ZCCHC7: variants seen among roughly 807,000 people sequenced by gnomAD.
The protein encoded by ZCCHC7 is zinc finger CCHC domain-containing protein 7.
In ZCCHC7, 35 loss-of-function variants were observed where a neutral mutation model predicts 52.0. That is an observed-to-expected ratio of 0.67 (90% CI 0.51 to 0.89). The LOEUF (loss-of-function observed/expected upper bound fraction) is 0.89, where lower values mean the gene tolerates loss of function less well. Ranked by LOEUF, ZCCHC7 falls within the 40% of genes least tolerant of loss-of-function variation. The probability of loss-of-function intolerance (pLI) is 0.00; values close to 1 mark genes in which losing one functional copy is unlikely to be tolerated. For synonymous variants in ZCCHC7, 217 were observed against 221.5 expected, an observed-to-expected ratio of 0.98 and a Z score of 0.18; for missense variants, 574 against 649.1, an observed-to-expected ratio of 0.88 and a Z score of 1.26.
intron 2 of ZCCHC7, among the ~76,000 whole-genome samples, chr9:37,249,570 G>T (rs1826227472): frequency 6.7e-6 from 1 of 148,500 alleles, no homozygotes; most frequent in Non-Finnish European, 1.5e-5. Context: ...TCCTGCCTCA[G>T]CCTCCCAAGT....
chr9:37,168,675 A>G (rs1196002802), intron 2 of ZCCHC7, among the ~76,000 whole-genome samples: 1 of 152,104 alleles, frequency 6.6e-6, no homozygotes, highest in African/African-American at 2.4e-5. Flanking sequence ...AGGCAGGAGG[A>G]TTGCTTGAGC....
At chr9:37,193,021 A>C (rs1438170590) in intron 2 of ZCCHC7, among the ~76,000 whole-genome samples, 1 of 152,186 alleles carries the variant, frequency 6.6e-6, no homozygotes, top group Non-Finnish European at 1.5e-5. Context: ...TAGCAGCTGA[A>C]TTGTGGTGCA....
intron 6 of ZCCHC7, among the ~76,000 whole-genome samples, chr9:37,341,771 T>C (rs1266994209): frequency 6.6e-6 from 1 of 152,042 alleles, no homozygotes; most frequent in Non-Finnish European, 1.5e-5. Context: ...AGGAGTGCAC[T>C]ATATTAAATC....
At position 37,163,230 on chromosome 9, in the gene ZCCHC7, A is replaced by C. The variant is rs560151740; in HGVS notation, c.610+36288A>C. ...CAAACAAACAAACAAACAAAAAAAA[A>C]CAAAAAGTATTTTTACGTGTGGTGG... On this transcript the variant is annotated intron_variant, in intron 2 of 8. Transcript: ENST00000336755. Among the ~76,000 whole-genome samples the C allele has an allele frequency of 6.6e-5, 10 of 151,748 alleles. No individual in the cohort carries two copies. The East Asian group carries it at 7.7e-4, about 12-fold the overall frequency.
intron 2 of ZCCHC7, among the ~76,000 whole-genome samples, chr9:37,243,584 C>G (rs1026279384): frequency 6.6e-6 from 1 of 151,782 alleles, no homozygotes. Flanking sequence ...TCCTTGCATT[C>G]AGGGTTAAAA....
chr9:37,333,589 C>A (rs1264041430), intron 6 of ZCCHC7, among the ~76,000 whole-genome samples: 5 of 151,628 alleles, frequency 3.3e-5, no homozygotes, highest in Non-Finnish European at 7.4e-5. Flanking sequence ...AATGTTTATC[C>A]TGAGGATGAC....
At chr9:37,165,284 A>G (rs1448114253) in intron 2 of ZCCHC7, among the ~76,000 whole-genome samples, 1 of 151,122 alleles carries the variant, frequency 6.6e-6, no homozygotes, top group African/African-American at 2.4e-5. Context: ...TAAAAAAGGC[A>G]GTTTTACTTC....
chr9:37,236,464 T>C lies in ZCCHC7; in HGVS notation c.611-65724T>C, dbSNP rs1825656661. ...TGGAGTGCAGTGGCGCTGTCTCGGC[T>C]CACTGCAAGCTCCGCCTCCTGCGTT... On this transcript the variant is annotated intron_variant, in intron 2 of 8. Coordinates refer to ENST00000336755, the MANE Select transcript of ZCCHC7 (RefSeq NM_032226.3). 3.3e-5 allele frequency among the ~76,000 whole-genome samples: 5 copies of C among 151,900 alleles called. No individual in the cohort carries two copies. In the South Asian group the frequency reaches 8.3e-4, roughly 25 times the overall value.
chr9:37,193,367 TTTA>T (rs1564170382), intron 2 of ZCCHC7, among the ~76,000 whole-genome samples: 1 of 152,160 alleles, frequency 6.6e-6, no homozygotes. Context: ...TAAAATTACT[TTTA>T]TTAACTAAAA....
chr9:37,257,395 A>AG (rs1282314795), intron 2 of ZCCHC7, among the ~76,000 whole-genome samples: 4 of 152,212 alleles, frequency 2.6e-5, no homozygotes, highest in Non-Finnish European at 5.9e-5. Flanking sequence ...ATTTTGGGGT[A>AG]GCATATTCTG....
chr9:37,328,704 G>A (rs958567464), intron 6 of ZCCHC7, among the ~76,000 whole-genome samples: 11 of 151,872 alleles, frequency 7.2e-5, no homozygotes, highest in Admixed American at 2.6e-4. Context: ...AAAGGGCAAA[G>A]TTCTTTCAAA....
At chr9:37,198,505 G>A (rs959396783) in intron 2 of ZCCHC7, among the ~76,000 whole-genome samples, 1 of 152,238 alleles carries the variant, frequency 6.6e-6, no homozygotes, top group East Asian at 1.9e-4. Context: ...CCTACTTTGT[G>A]GTCACTTTTG....
At chr9:37,275,745 C>T (rs927052416) in intron 2 of ZCCHC7, among the ~76,000 whole-genome samples, 2 of 152,112 alleles carry the variant, frequency 1.3e-5, no homozygotes, top group South Asian at 4.1e-4. Flanking sequence ...CAGGTTCAAG[C>T]GATTCTCCTG....
At chr9:37,336,959 C>G (rs528132153) in intron 6 of ZCCHC7, among the ~76,000 whole-genome samples, 2 of 152,200 alleles carry the variant, frequency 1.3e-5, no homozygotes, top group Admixed American at 6.5e-5. Context: ...TACCCTGTCA[C>G]CGATCCCGCA....
chr9:37,126,202 T>C (rs985585216), intron 1 of ZCCHC7, 110 bp from the exon 2 acceptor site: 30 of 1,075,314 alleles, frequency 2.8e-5, no homozygotes, highest in Non-Finnish European at 3.6e-5. Flanking sequence ...TGTCTGAGAA[T>C]AGTGATGGCC....
intron 2 of ZCCHC7, among the ~76,000 whole-genome samples, chr9:37,136,741 G>A (rs1296124885): frequency 6.6e-6 from 1 of 152,146 alleles, no homozygotes; most frequent in African/African-American, 2.4e-5. Flanking sequence ...CTCCCAAAGT[G>A]CTGGGATTTA....
chr9:37,342,214 G>C (rs563367998), intron 6 of ZCCHC7, among the ~76,000 whole-genome samples: 1 of 152,308 alleles, frequency 6.6e-6, no homozygotes, highest in East Asian at 1.9e-4. Flanking sequence ...GATGGGCTGG[G>C]TATGAGGTAT....
At chr9:37,143,874 CTA>C (rs1442522480) in intron 2 of ZCCHC7, among the ~76,000 whole-genome samples, 1 of 151,464 alleles carries the variant, frequency 6.6e-6, no homozygotes, top group Non-Finnish European at 1.5e-5. Context: ...AATATGTAAA[CTA>C]AAAATTATAA....
chr9:37,219,648 C>A (rs1432019842), intron 2 of ZCCHC7, among the ~76,000 whole-genome samples: 1 of 152,154 alleles, frequency 6.6e-6, no homozygotes, highest in African/African-American at 2.4e-5. Flanking sequence ...GGAAATGGTT[C>A]ATAGCCCATA....
Sources: gnomAD v4.1 joint callset for allele counts (sites outside exome capture counted in the v4.1 genomes callset) on GRCh38, gnomAD v4.1.1 for gene constraint, MANE v1.5 for transcripts, NCBI Gene and HGNC (gene_info 2026-07-23, HGNC 2026-07-21) for gene names.